TBC1D12: variants seen among roughly 807,000 people sequenced by gnomAD.
The protein encoded by TBC1D12 is TBC1 domain family, member 12.
A neutral mutation model predicts 86.7 loss-of-function variants in TBC1D12; 56 were observed. That is an observed-to-expected ratio of 0.65 (90% confidence interval 0.52 to 0.81). The LOEUF is 0.81. Among genes scored for constraint, TBC1D12 ranks in the 30% least tolerant of loss-of-function variants. The pLI, the probability that TBC1D12 is intolerant of heterozygous loss-of-function variation, is 0.00. For synonymous variants in TBC1D12, 421 were observed against 411.7 expected (o/e 1.02, Z -0.27); for missense variants, 1,023 against 1,038.8 (o/e 0.98, Z 0.21).
intron 1 of TBC1D12, among the ~76,000 whole-genome samples, chr10:94,429,630 G>C (rs2055189766): frequency 6.6e-6 from 1 of 152,066 alleles, no homozygotes; most frequent in African/African-American, 2.4e-5. Context: ...ATTCTTTGGG[G>C]AAATTAAAGT....
At chr10:94,496,793 G>A (rs375720836) in intron 4 of TBC1D12, among the ~76,000 whole-genome samples, 1 of 152,150 alleles carries the variant, frequency 6.6e-6, no homozygotes, top group Non-Finnish European at 1.5e-5. Context: ...AAGTCCAGGA[G>A]TTCAAGGCCA....
chr10:94,531,557 T>C (rs1334849644), intron 12 of TBC1D12, 97 bp downstream of exon 12: 15 of 1,285,082 alleles, frequency 1.2e-5, no homozygotes, highest in African/African-American at 4.6e-5. Flanking sequence ...CTTAAAAATA[T>C]GTCTTTTAAA....
intron 1 of TBC1D12, among the ~76,000 whole-genome samples, chr10:94,413,467 G>C (rs776384580): frequency 1.3e-5 from 2 of 151,814 alleles, no homozygotes; most frequent in Non-Finnish European, 2.9e-5. Context: ...ATTCTTTTCC[G>C]TGCCTTTAAG....
intron 2 of TBC1D12, among the ~76,000 whole-genome samples, chr10:94,453,893 C>T (rs1231754891): frequency 6.6e-6 from 1 of 152,040 alleles, no homozygotes; most frequent in African/African-American, 2.4e-5. Context: ...ATTGTATTGC[C>T]TTTGCTCCTT....
chr10:94,443,869 T>A (rs2055414851), intron 2 of TBC1D12, among the ~76,000 whole-genome samples: 1 of 152,146 alleles, frequency 6.6e-6, no homozygotes, highest in African/African-American at 2.4e-5. Flanking sequence ...GGTAATTAAT[T>A]GCGGTTATTT....
intron 9 of TBC1D12, among the ~76,000 whole-genome samples, chr10:94,519,818 G>A (rs2134220460): frequency 6.6e-6 from 1 of 152,078 alleles, no homozygotes; most frequent in South Asian, 2.1e-4. Flanking sequence ...CACTTATAAG[G>A]AACCTCATGA....
intron 1 of TBC1D12, among the ~76,000 whole-genome samples, chr10:94,439,915 C>T (rs541993961): frequency 1.3e-5 from 2 of 152,146 alleles, no homozygotes; most frequent in African/African-American, 4.8e-5. Context: ...TGGTACACAA[C>T]GTATCAAACA....
chr10:94,465,834 GCATA>G (rs1279344689), intron 2 of TBC1D12, among the ~76,000 whole-genome samples: 3 of 150,048 alleles, frequency 2.0e-5, no homozygotes, highest in Non-Finnish European at 3.0e-5. Flanking sequence ...ATACGTATAC[GCATA>G]CATATATACG....
At chr10:94,453,865 A>G (rs541495402) in intron 2 of TBC1D12, among the ~76,000 whole-genome samples, 1 of 152,252 alleles carries the variant, frequency 6.6e-6, no homozygotes, top group Non-Finnish European at 1.5e-5. Context: ...CATTTGTTGA[A>G]AAGCCTATCT....
intron 3 of TBC1D12, among the ~76,000 whole-genome samples, chr10:94,481,244 G>T (rs2056074260): frequency 6.6e-6 from 1 of 151,986 alleles, no homozygotes; most frequent in Admixed American, 6.6e-5. Context: ...AGTTACATTG[G>T]CCCCTAAGAA....
Position 94,520,382 on chromosome 10 carries a change from G to A in TBC1D12, c.1762-1573G>A, listed in dbSNP as rs184641238. 9.3e-3 allele frequency among the ~76,000 whole-genome samples: 1,408 copies of A among 151,990 alleles called. 62 individuals carry two copies. The highest frequency in any genetic ancestry group is 0.081 in the Admixed American group (1,239 of 15,260). On this transcript the variant is annotated intron_variant, in intron 9 of 12. Coordinates refer to ENST00000225235, the MANE Select transcript of TBC1D12 (RefSeq NM_015188.2). ...AGCCTGACCAACATGGAGAAACCCC[G>A]TCTCTACTAAAAATACAAAATTAGC...
chr10:94,527,801 T>TC lies in TBC1D12; in HGVS notation c.2001-3396dup, dbSNP rs531085675. Reference sequence around the variant, plus strand: ...AATTTTCATATGCATATCCAGTTTTTCCCCCAGCACCATTTATTGAAGAGA... The same window carrying TC: ...AATTTTCATATGCATATCCAGTTTTTCCCCCCAGCACCATTTATTGAAGAGA... On this transcript the variant is annotated intron_variant, in intron 11 of 12. Transcript: ENST00000225235. Among the ~76,000 whole-genome samples, 848 of 152,230 alleles carry TC rather than the reference T, an allele frequency of 5.6e-3. 17 individuals are homozygous for TC. Among genetic ancestry groups the TC allele is most frequent in the African/African-American group, 0.019 (779 of 41,554 alleles).
At chr10:94,524,751 G>T in intron 11 of TBC1D12, among the ~76,000 whole-genome samples, 1 of 149,152 alleles carries the variant, frequency 6.7e-6, no homozygotes, top group Non-Finnish European at 1.5e-5. Context: ...AAAAAGATAT[G>T]TACTGTAATT....
chr10:94,458,703 A>C (rs1488721410), intron 2 of TBC1D12, among the ~76,000 whole-genome samples: 3 of 152,148 alleles, frequency 2.0e-5, no homozygotes, highest in Admixed American at 6.5e-5. Flanking sequence ...CGCTGGCTTC[A>C]GGGGTGAAGC....
intron 1 of TBC1D12, among the ~76,000 whole-genome samples, chr10:94,432,478 A>T (rs551147009): frequency 6.6e-6 from 1 of 151,390 alleles, no homozygotes; most frequent in East Asian, 2.0e-4. Flanking sequence ...TTGCTGTATT[A>T]TGTTATAAAT....
intron 2 of TBC1D12, among the ~76,000 whole-genome samples, chr10:94,452,750 G>A (rs1337323610): frequency 1.3e-5 from 2 of 152,092 alleles, no homozygotes; most frequent in Non-Finnish European, 2.9e-5. Context: ...CTAGACTTCT[G>A]CGTGCAATTT....
At chr10:94,513,247 C>CA (rs145017378) in intron 9 of TBC1D12, among the ~76,000 whole-genome samples, 67,644 of 134,968 alleles carry the variant, frequency 0.5, 17,032 homozygotes, top group East Asian at 0.84. Context: ...AACTCTGTCT[C>CA]ACAAAAAAAA....
chr10:94,504,755 A>G (rs1428478147), intron 6 of TBC1D12, among the ~76,000 whole-genome samples: 1 of 152,208 alleles, frequency 6.6e-6, no homozygotes, highest in Non-Finnish European at 1.5e-5. Flanking sequence ...GTGTTCTAAC[A>G]GTTATTTGTG....
chr10:94,531,428 C>A lies in TBC1D12; in HGVS notation c.2227C>A (p.Gln743Lys). The change falls in exon 12 of 13, where the codon CAG becomes AAG. Residue 743 changes from glutamine (Q) to lysine (K), a missense_variant. Gln to Lys is a moderately conservative substitution (Grantham distance 53). Coordinates refer to ENST00000225235, the MANE Select transcript of TBC1D12 (RefSeq NM_015188.2). Reference protein sequence around the residue: ...EKLFSCIAAIQMQNSTKKWTQ... With the variant: ...EKLFSCIAAIKMQNSTKKWTQ... The stretch of plus-strand genomic sequence containing the variant: ...GCTGTTCAGTTGTATTGCAGCCATT[C>A]AGATGCAGAATAGCACCAAAAAATG... The A allele has an allele frequency of 6.2e-7, 1 of 1,613,942 alleles. No homozygotes were observed. Among genetic ancestry groups the A allele is most frequent in the East Asian group, 2.2e-5 (1 of 44,862 alleles).
Sources: allele counts gnomAD v4.1 joint callset (sites outside exome capture counted in the v4.1 genomes callset), GRCh38; gene constraint gnomAD v4.1.1; transcripts MANE v1.5; gene names NCBI Gene and HGNC (gene_info 2026-07-23, HGNC 2026-07-21).